TMCC3: variants seen among roughly 807,000 people sequenced by gnomAD.
TMCC3 encodes the protein transmembrane and coiled-coil domain protein 3.
A neutral mutation model predicts 40.2 loss-of-function variants in TMCC3; 28 were observed. The ratio of observed to expected loss-of-function variants is 0.70; its 90% CI spans 0.52 to 0.95. TMCC3 has a LOEUF of 0.95. Ranked by LOEUF, TMCC3 falls within the 40% of genes least tolerant of loss-of-function variation. TMCC3 has a pLI of 0.00. For synonymous variants in TMCC3, 255 were observed against 248.5 expected (o/e 1.03, Z -0.25); for missense variants, 554 against 615.2 (o/e 0.90, Z 1.05).
At position 94,632,423 on chromosome 12, in the gene TMCC3, C is replaced by A. The variant is rs77084359; in HGVS notation, c.78+17930G>T. ...TTCAGAATAACTTTATATTTGCTTT[C>A]AGGTAAAATTAAAGTACACAAACTA... On this transcript the variant is annotated intron_variant, in intron 1 of 3. Transcript: ENST00000261226. Among the ~76,000 whole-genome samples, 195 of 152,264 alleles carry A rather than the reference C, an allele frequency of 1.3e-3. 1 individual carries two copies. The highest frequency in any genetic ancestry group is 4.6e-3 in the South Asian group (22 of 4,832).
At chr12:94,580,820 GAGTA>G (rs1191331770) in intron 2 of TMCC3, among the ~76,000 whole-genome samples, 1 of 152,190 alleles carries the variant, frequency 6.6e-6, no homozygotes, top group Non-Finnish European at 1.5e-5. Flanking sequence ...GTTGGGTAAT[GAGTA>G]AGTGTGTACT....
At chr12:94,597,706 C>T (rs1220062344) in intron 1 of TMCC3, among the ~76,000 whole-genome samples, 1 of 152,026 alleles carries the variant, frequency 6.6e-6, no homozygotes, top group African/African-American at 2.4e-5. Flanking sequence ...CTCAGTGGGG[C>T]TGAGGCAGGA....
chr12:94,594,745 T>C (rs2068705428), intron 1 of TMCC3, among the ~76,000 whole-genome samples: 1 of 152,208 alleles, frequency 6.6e-6, no homozygotes, highest in Non-Finnish European at 1.5e-5. Flanking sequence ...CCTACTGCCC[T>C]GCCCTGGCAG....
intron 1 of TMCC3, chr12:94,616,038 CAT>C (rs964271804): frequency 1.0e-6 from 1 of 985,258 alleles, no homozygotes; most frequent in Non-Finnish European, 1.2e-6. Context: ...CAGCACCTAC[CAT>C]ATGACTCAGC....
At chr12:94,609,560 C>T (rs2068802927) in intron 1 of TMCC3, among the ~76,000 whole-genome samples, 1 of 152,218 alleles carries the variant, frequency 6.6e-6, no homozygotes, top group Admixed American at 6.5e-5. Flanking sequence ...CTCTTGAACA[C>T]AGCAGGCACT....
At chr12:94,621,602 T>C (rs141252535) in intron 1 of TMCC3, among the ~76,000 whole-genome samples, 11 of 152,336 alleles carry the variant, frequency 7.2e-5, no homozygotes, top group African/African-American at 2.6e-4. Context: ...CCAGGTTCTT[T>C]ATCTAAACAG....
intron 1 of TMCC3, among the ~76,000 whole-genome samples, chr12:94,626,720 T>C (rs1189031594): frequency 6.6e-6 from 1 of 152,106 alleles, no homozygotes; most frequent in Non-Finnish European, 1.5e-5. Flanking sequence ...ACAGGTTGGG[T>C]AGAAGAGCAC....
In TMCC3 at chr12:94,577,468, G is replaced by A. The variant is rs115480437; in HGVS notation, c.1131+926C>T. 5.3e-3 allele frequency among the ~76,000 whole-genome samples: 813 copies of A among 152,198 alleles called. 11 individuals are homozygous for A. The highest frequency in any genetic ancestry group is 0.018 in the African/African-American group (757 of 41,524). On this transcript the variant is annotated intron_variant, in intron 3 of 3. Transcript: ENST00000261226. ...CTCCCAAAGTGCTGTGAGCCACCGC[G>A]CCTGGCCATGTGAATGCTATTATTT...
chr12:94,611,780 A>C (rs1157156289), intron 1 of TMCC3, among the ~76,000 whole-genome samples: 10 of 151,788 alleles, frequency 6.6e-5, no homozygotes, highest in Non-Finnish European at 1.3e-4. Context: ...AAAAAAAAAA[A>C]CACTCGGTAC....
intron 1 of TMCC3, among the ~76,000 whole-genome samples, chr12:94,609,085 G>T (rs7312281): frequency 0.06 from 9,170 of 151,920 alleles, 608 homozygotes; most frequent in African/African-American, 0.16. Context: ...AAAATTAGCT[G>T]GGTGTGGTGG....
intron 1 of TMCC3, among the ~76,000 whole-genome samples, chr12:94,594,232 C>CACACACACACACAG (rs1446763750): frequency 6.8e-6 from 1 of 147,820 alleles, no homozygotes; most frequent in African/African-American, 2.6e-5. Context: ...CACACACACA[C>CACACACACACACAG]AGAGTGAGAG....
At chr12:94,635,717 T>C (rs2068957347) in intron 1 of TMCC3, among the ~76,000 whole-genome samples, 2 of 141,568 alleles carry the variant, frequency 1.4e-5, no homozygotes, top group African/African-American at 2.6e-5. Context: ...CCAGGCTGGA[T>C]GGAGTGCAGT....
At chr12:94,611,476 AATG>A (rs2068815334) in intron 1 of TMCC3, among the ~76,000 whole-genome samples, 1 of 152,142 alleles carries the variant, frequency 6.6e-6, no homozygotes, top group African/African-American at 2.4e-5. Flanking sequence ...TTTCATGGGC[AATG>A]ATGTTTTCCA....
intron 1 of TMCC3, among the ~76,000 whole-genome samples, chr12:94,590,040 G>GT (rs1285834766): frequency 2.1e-5 from 3 of 139,564 alleles, no homozygotes; most frequent in Non-Finnish European, 4.7e-5. Flanking sequence ...AATCGTGGCT[G>GT]TAACTTTGTG....
intron 1 of TMCC3, among the ~76,000 whole-genome samples, chr12:94,630,767 C>T (rs59639218): frequency 0.21 from 32,409 of 152,138 alleles, 3,955 homozygotes; most frequent in Non-Finnish European, 0.27. Context: ...CTCGCTCTGT[C>T]GCCCAGGCTG....
intron 1 of TMCC3, chr12:94,615,872 A>C: frequency 1.0e-6 from 1 of 952,426 alleles, no homozygotes; most frequent in Non-Finnish European, 1.2e-6. Flanking sequence ...AAGCTCCACA[A>C]TACATATTTA....
chr12:94,589,696 C>A (rs1046036540), intron 1 of TMCC3, among the ~76,000 whole-genome samples: 1 of 152,172 alleles, frequency 6.6e-6, no homozygotes, highest in Non-Finnish European at 1.5e-5. Flanking sequence ...CAGTGCCTAC[C>A]TGCCTAAAAA....
At chr12:94,620,415 G>A (rs542252776) in intron 1 of TMCC3, among the ~76,000 whole-genome samples, 135 of 151,656 alleles carry the variant, frequency 8.9e-4, no homozygotes, top group African/African-American at 3.1e-3. Context: ...AGCCTCCCGA[G>A]TAGCTGGGAT....
Position 94,650,338 on chromosome 12 carries a change from G to A in TMCC3, c.78+15C>T. The A allele has an allele frequency of 7.8e-7, 1 of 1,289,618 alleles. No individual in the cohort carries two copies. The highest frequency in any genetic ancestry group is 2.2e-5 in the South Asian group (1 of 45,758). 79.9% of individuals were successfully genotyped at this position (1,289,618 alleles called of 1,614,324 possible). A position where few individuals can be genotyped will look rare whatever the true frequency, so the allele number is the denominator to read the frequency against. ...GCCCGCGCGCACCCGCCGCCCCCCA[G>A]CCCGCTGCGCTCACCCGGCTCTTGC... On this transcript the variant is annotated intron_variant, in intron 1 of 3. Transcript: ENST00000261226.
Sources: gnomAD v4.1 joint callset for allele counts (sites outside exome capture counted in the v4.1 genomes callset) on GRCh38, gnomAD v4.1.1 for gene constraint, MANE v1.5 for transcripts, NCBI Gene and HGNC (gene_info 2026-07-23, HGNC 2026-07-21) for gene names.